Variants in RBFOX3 observed in about 807,000 individuals in gnomAD.
RBFOX3 encodes RNA binding fox-1 homolog 3.
A neutral mutation model predicts 48.7 loss-of-function variants in RBFOX3; 17 were observed. That is an observed-to-expected ratio of 0.35 (90% CI 0.24 to 0.52). RBFOX3 has a LOEUF of 0.52. Ranked by LOEUF, RBFOX3 falls within the 20% of genes least tolerant of loss-of-function variation. The pLI is 0.94. For missense variants in RBFOX3, 382 were observed against 497.5 expected (o/e 0.77, Z 2.21); for synonymous variants, 212 against 209.5 (o/e 1.01, Z -0.10).
chr17:79,363,161 C>G lies in RBFOX3; in HGVS notation c.-174-55337G>C, dbSNP rs1013409104. ...GGAGATGGAGGGGAGGCACATGACT[C>G]CTGTGTCTGAGGTGGCTCCTGCACT... On this transcript the variant is annotated intron_variant, in intron 2 of 14. Coordinates refer to ENST00000693108, the MANE Select transcript of RBFOX3 (RefSeq NM_001350451.2). This position sits in a 1 kb window ranked among gnomAD's most constrained non-coding sequence, Gnocchi z 4.7. Among the ~76,000 whole-genome samples, 12 of 152,176 alleles carry G rather than the reference C, an allele frequency of 7.9e-5. No individual in the cohort carries two copies. The highest frequency in any genetic ancestry group is 1.5e-5 in the Non-Finnish European group (1 of 68,022).
chr17:79,147,560 G>A (rs1024877828), intron 4 of RBFOX3, among the ~76,000 whole-genome samples: 1 of 152,170 alleles, frequency 6.6e-6, no homozygotes, highest in East Asian at 1.9e-4. Flanking sequence ...TGGGGAGGGG[G>A]GGGGCTCACC....
At chr17:79,533,252 A>G (rs2088125441) in intron 1 of RBFOX3, among the ~76,000 whole-genome samples, 1 of 152,232 alleles carries the variant, frequency 6.6e-6, no homozygotes, top group Non-Finnish European at 1.5e-5. Context: ...GGGCCGGGAC[A>G]AGCTGCGCTC....
intron 2 of RBFOX3, among the ~76,000 whole-genome samples, chr17:79,328,623 C>T (rs963366618): frequency 1.3e-5 from 2 of 152,198 alleles, no homozygotes; most frequent in Non-Finnish European, 2.9e-5. Context: ...GCCTGACCCT[C>T]GCAGGCACTG....
intron 4 of RBFOX3, among the ~76,000 whole-genome samples, chr17:79,138,711 A>AC (rs10534927): frequency 1.4e-4 from 1 of 7,398 alleles, no homozygotes; most frequent in Non-Finnish European, 2.9e-4. Flanking sequence ...ATGCGTTCAC[A>AC]CCCCCTCACC....
intron 2 of RBFOX3, among the ~76,000 whole-genome samples, chr17:79,350,228 C>T (rs937787952): frequency 6.6e-6 from 1 of 152,108 alleles, no homozygotes; most frequent in Non-Finnish European, 1.5e-5. Context: ...TGACAGTGGC[C>T]GGCTCTGCGC....
In RBFOX3 at chr17:79,516,543, G is replaced by A. The variant is rs1011885412; in HGVS notation, c.-319-33945C>T. Among the ~76,000 whole-genome samples the A allele has an allele frequency of 7.6e-4, 116 of 152,364 alleles. 1 individual carries two copies. The highest frequency in any genetic ancestry group is 1.4e-3 in the Non-Finnish European group (94 of 68,032). The stretch of plus-strand genomic sequence containing the variant: ...TAGAAAGAGCCAGAGCTCTGTTCAC[G>A]CCCCGAGGTCAGAGTTCATCCCCAG... On this transcript the variant is annotated intron_variant, in intron 1 of 14. Transcript: ENST00000693108.
chr17:79,155,413 G>A (rs932204756), intron 4 of RBFOX3, among the ~76,000 whole-genome samples: 1 of 152,270 alleles, frequency 6.6e-6, no homozygotes, highest in Non-Finnish European at 1.5e-5. Context: ...GAGGTCCGGG[G>A]CGGCAGGCTC....
chr17:79,532,098 T>C (rs1253471214), intron 1 of RBFOX3, among the ~76,000 whole-genome samples: 2 of 152,178 alleles, frequency 1.3e-5, no homozygotes, highest in Non-Finnish European at 2.9e-5. Context: ...CTTTTAGACC[T>C]TGGCCTCATT....
chr17:79,117,173 C>T (rs372979652), intron 4 of RBFOX3, among the ~76,000 whole-genome samples: 1 of 152,262 alleles, frequency 6.6e-6, no homozygotes, highest in Non-Finnish European at 1.5e-5. Context: ...CACTCGCCCC[C>T]CCAGGAGTCT....
intron 3 of RBFOX3, among the ~76,000 whole-genome samples, chr17:79,251,571 C>T (rs1389429152): frequency 1.3e-5 from 2 of 152,206 alleles, no homozygotes; most frequent in Non-Finnish European, 1.5e-5. Flanking sequence ...ACCTTCTGTA[C>T]CTGTGTGACC....
At chr17:79,295,622 T>C (rs2074215217) in intron 3 of RBFOX3, among the ~76,000 whole-genome samples, 1 of 152,192 alleles carries the variant, frequency 6.6e-6, no homozygotes, top group African/African-American at 2.4e-5. Flanking sequence ...ACATTTTGTT[T>C]GATTTGTTTT....
At chr17:79,394,856 A>G (rs774736769) in intron 2 of RBFOX3, among the ~76,000 whole-genome samples, 3 of 152,182 alleles carry the variant, frequency 2.0e-5, no homozygotes, top group Non-Finnish European at 2.9e-5. Context: ...AGTGAGGTAG[A>G]GGGATATGAG....
chr17:79,352,394 G>A lies in RBFOX3; in HGVS notation c.-174-44570C>T, dbSNP rs139046244. Among the ~76,000 whole-genome samples the A allele has an allele frequency of 2.5e-3, 377 of 152,268 alleles. 1 individual carries two copies. The highest frequency in any genetic ancestry group is 8.6e-3 in the African/African-American group (358 of 41,554). On this transcript the variant is annotated intron_variant, in intron 2 of 14. Transcript: ENST00000693108. ...TCTGCCATGATTGTAAGTTTCTGAG[G>A]CCTCCCCAGCCATGCTTCCTGTGCA...
intron 4 of RBFOX3, among the ~76,000 whole-genome samples, chr17:79,157,907 G>A (rs1461961661): frequency 2.6e-5 from 4 of 152,196 alleles, no homozygotes; most frequent in African/African-American, 9.7e-5. Flanking sequence ...GGGGCTAGAC[G>A]GCCCTGGGGA....
At chr17:79,579,548 A>G (rs1384903700) in intron 1 of RBFOX3, among the ~76,000 whole-genome samples, 2 of 152,192 alleles carry the variant, frequency 1.3e-5, no homozygotes, top group Admixed American at 1.3e-4. Context: ...AGAGGAGAGC[A>G]TCCAGCACGC....
intron 1 of RBFOX3, among the ~76,000 whole-genome samples, chr17:79,525,280 T>TC (rs1354308133): frequency 2.0e-5 from 3 of 151,554 alleles, no homozygotes; most frequent in Non-Finnish European, 2.9e-5. Flanking sequence ...TTGCCAAATG[T>TC]CCCCCCGGGG....
At chr17:79,644,620 A>AT in the RBFOX3 span, among the ~76,000 whole-genome samples, 3 of 152,330 alleles carry the variant, frequency 2.0e-5, no homozygotes, top group African/African-American at 7.2e-5. Flanking sequence ...AATAAATAAC[A>AT]TTTTTTAAAT....
At position 79,204,344 on chromosome 17, in the gene RBFOX3, G is replaced by C. The variant is rs1364944799; in HGVS notation, c.-34+31422C>G. Among the ~76,000 whole-genome samples, 1 of 152,196 alleles carries C rather than the reference G, an allele frequency of 6.6e-6. No individual in the cohort carries two copies. Among genetic ancestry groups the C allele is most frequent in the African/African-American group, 2.4e-5 (1 of 41,450 alleles). On this transcript the variant is annotated intron_variant, in intron 4 of 14. Coordinates refer to ENST00000693108, the MANE Select transcript of RBFOX3 (RefSeq NM_001350451.2). The surrounding 1 kb of genome is among the most constrained non-coding windows in gnomAD (Gnocchi z 4.5). The stretch of plus-strand genomic sequence containing the variant: ...ACACCAGCGGGTGCCGGGGAGCAGG[G>C]GGCGTAGGTGGGGTTGGGGCAGAAT...
At chr17:79,636,916 A>G in the RBFOX3 span, among the ~76,000 whole-genome samples, 1 of 152,174 alleles carries the variant, frequency 6.6e-6, no homozygotes, top group East Asian at 1.9e-4. Context: ...TGCTGCCTAT[A>G]AGAGACTCGT....
Sources: allele counts gnomAD v4.1 joint callset (sites outside exome capture counted in the v4.1 genomes callset), GRCh38; gene constraint gnomAD v4.1.1; non-coding constraint Gnocchi (gnomAD v3.1); transcripts MANE v1.5; gene names NCBI Gene and HGNC (gene_info 2026-07-23, HGNC 2026-07-21).